GRM7: variants seen among roughly 807,000 people sequenced by gnomAD.
The protein encoded by GRM7 is metabotropic glutamate receptor 7.
A neutral mutation model predicts 84.5 loss-of-function variants in GRM7; 35 were observed. That is an observed-to-expected ratio of 0.41 (90% CI 0.32 to 0.55). The LOEUF (loss-of-function observed/expected upper bound fraction) is 0.55. Among genes scored for constraint, GRM7 ranks in the 20% least tolerant of loss-of-function variants. The pLI is 0.19. For missense variants in GRM7, 1,003 were observed against 1,194.6 expected (o/e 0.84, Z 2.36); for synonymous variants, 487 against 455.1 (o/e 1.07, Z -0.89).
chr3:7,016,962 A>G (rs1181926104), intron 1 of GRM7, among the ~76,000 whole-genome samples: 1 of 152,118 alleles, frequency 6.6e-6, no homozygotes. Context: ...CATGAGCATC[A>G]CCTTGGAGCC....
intron 5 of GRM7, among the ~76,000 whole-genome samples, chr3:7,448,198 C>T (rs565179883): frequency 3.8e-4 from 57 of 150,802 alleles, no homozygotes; most frequent in Non-Finnish European, 6.8e-4. Flanking sequence ...TGAATAATGC[C>T]GCAATAAACA....
At chr3:7,512,677 A>G (rs1351429304) in intron 7 of GRM7, among the ~76,000 whole-genome samples, 5 of 151,848 alleles carry the variant, frequency 3.3e-5, no homozygotes, top group Non-Finnish European at 5.9e-5. Context: ...CTTCATGTCA[A>G]GCTATGAAAT....
At chr3:7,308,204 G>C (rs1395019248) in intron 4 of GRM7, among the ~76,000 whole-genome samples, 2 of 152,114 alleles carry the variant, frequency 1.3e-5, no homozygotes, top group Non-Finnish European at 2.9e-5. Flanking sequence ...TCCTCTTCTA[G>C]AGTACTAATC....
intron 7 of GRM7, among the ~76,000 whole-genome samples, chr3:7,538,197 C>T (rs1278032286): frequency 6.6e-6 from 1 of 152,176 alleles, no homozygotes; most frequent in Non-Finnish European, 1.5e-5. Flanking sequence ...GCAACCTCTA[C>T]CTCCCAGATT....
intron 1 of GRM7, among the ~76,000 whole-genome samples, chr3:7,031,184 A>G (rs1234749905): frequency 2.0e-5 from 3 of 151,840 alleles, no homozygotes; most frequent in African/African-American, 7.3e-5. Flanking sequence ...ACTTCATCTC[A>G]TGCATTTCTC....
chr3:7,543,207 C>A (rs919254174), intron 7 of GRM7, among the ~76,000 whole-genome samples: 6 of 152,184 alleles, frequency 3.9e-5, no homozygotes, highest in African/African-American at 1.4e-4. Context: ...CTAAATTTTA[C>A]CACTTACTGT....
intron 2 of GRM7, among the ~76,000 whole-genome samples, chr3:7,160,296 G>T (rs1262928063): frequency 6.6e-6 from 1 of 152,116 alleles, no homozygotes; most frequent in African/African-American, 2.4e-5. Context: ...AGCTGGTAAA[G>T]GTTATTGGAA....
chr3:7,332,066 C>T (rs750274287), intron 4 of GRM7, among the ~76,000 whole-genome samples: 6 of 152,078 alleles, frequency 3.9e-5, no homozygotes, highest in Non-Finnish European at 7.4e-5. Flanking sequence ...AGGAATTTTC[C>T]TTTCGTCTAG....
rs2124908114 is a variant in GRM7, at chr3:7,461,687, C to G, written c.1480C>G (p.Leu494Val). ...AAACACCAGCAACCCGGGTTACCGT[C>G]TGATCGGGCAGTGGACAGACGAACT... Reference protein sequence around the residue: ...TTNTSNPGYRLIGQWTDELQL... With the variant: ...TTNTSNPGYRVIGQWTDELQL... The change falls in exon 7 of 10, where the codon CTG (leucine) becomes GTG (valine). Residue 494 changes from leucine (L) to valine (V), a missense_variant. Transcript: ENST00000357716. 1 of 1,613,980 alleles carries G rather than the reference C, an allele frequency of 6.2e-7. No homozygotes were observed. The highest frequency in any genetic ancestry group is 8.5e-7 in the Non-Finnish European group (1 of 1,179,870).
intron 1 of GRM7, among the ~76,000 whole-genome samples, chr3:7,087,667 A>C (rs1376634235): frequency 1.3e-5 from 2 of 152,152 alleles, no homozygotes; most frequent in Non-Finnish European, 2.9e-5. Flanking sequence ...AAAGAGAGGA[A>C]GTAAATGAGT....
intron 8 of GRM7, among the ~76,000 whole-genome samples, chr3:7,595,452 T>C (rs1695992040): frequency 6.6e-6 from 1 of 152,206 alleles, no homozygotes; most frequent in African/African-American, 2.4e-5. Flanking sequence ...ATGTACATTA[T>C]GGGATAAAGT....
intron 2 of GRM7, among the ~76,000 whole-genome samples, chr3:7,181,902 C>G (rs1278233134): frequency 6.6e-6 from 1 of 152,132 alleles, no homozygotes; most frequent in African/African-American, 2.4e-5. Flanking sequence ...TGAGCCACCT[C>G]TCTCAGCTAA....
At chr3:7,381,138 C>T (rs1367432187) in intron 4 of GRM7, among the ~76,000 whole-genome samples, 1 of 151,960 alleles carries the variant, frequency 6.6e-6, no homozygotes, top group African/African-American at 2.4e-5. Flanking sequence ...CATCTACTTC[C>T]TTGACTTTAT....
chr3:7,505,654 CTTATACCTTCTATAGT>C (rs969129727), intron 7 of GRM7, among the ~76,000 whole-genome samples: 17 of 152,216 alleles, frequency 1.1e-4, no homozygotes, highest in Non-Finnish European at 2.1e-4. Flanking sequence ...CCTTCGATGA[CTTATACCTTCTATAGT>C]TTATACCTTC....
chr3:7,252,456 A>G (rs961706136), intron 2 of GRM7, among the ~76,000 whole-genome samples: 19 of 152,200 alleles, frequency 1.2e-4, no homozygotes, highest in Admixed American at 4.6e-4. Flanking sequence ...CCCTTTTCTG[A>G]TGCTCACGGT....
At chr3:7,321,858 A>G (rs77439278) in intron 4 of GRM7, among the ~76,000 whole-genome samples, 2,116 of 152,178 alleles carry the variant, frequency 0.014, 57 homozygotes, top group African/African-American at 0.048. Flanking sequence ...TCTTGTCTCA[A>G]ATTGATTATT....
At chr3:6,964,669 G>T (rs1238403077) in intron 1 of GRM7, among the ~76,000 whole-genome samples, 2 of 152,072 alleles carry the variant, frequency 1.3e-5, no homozygotes, top group African/African-American at 4.8e-5. Context: ...ATCCTAAAAG[G>T]TTAATTTCTA....
At chr3:7,426,858 A>G (rs561080849) in intron 5 of GRM7, among the ~76,000 whole-genome samples, 2 of 152,280 alleles carry the variant, frequency 1.3e-5, no homozygotes, top group African/African-American at 4.8e-5. Flanking sequence ...GAAACTACTA[A>G]TTTTACTTTC....
chr3:7,157,503 C>A (rs1316886335), intron 2 of GRM7, among the ~76,000 whole-genome samples: 1 of 151,290 alleles, frequency 6.6e-6, no homozygotes. Context: ...TTTCCTTCTT[C>A]TTTTTTCTTT....
Sources: allele counts gnomAD v4.1 joint callset (sites outside exome capture counted in the v4.1 genomes callset), GRCh38; gene constraint gnomAD v4.1.1; transcripts MANE v1.5; gene names NCBI Gene and HGNC (gene_info 2026-07-23, HGNC 2026-07-21).